Variants in ADCY8 observed in about 807,000 individuals in gnomAD.
The protein encoded by ADCY8 is adenylate cyclase 8.
In ADCY8, 51 loss-of-function variants were observed where a neutral mutation model predicts 119.7. The ratio of observed to expected loss-of-function variants is 0.43; its 90% confidence interval spans 0.34 to 0.54. The LOEUF (loss-of-function observed/expected upper bound fraction) is 0.54, where lower values mean the gene tolerates loss of function less well. ADCY8 is among the 20% of genes least tolerant of loss of function. The pLI, the probability that ADCY8 is intolerant of heterozygous loss-of-function variation, is 0.03. For missense variants in ADCY8, 1,383 were observed against 1,598.8 expected, an observed-to-expected ratio of 0.87 and a Z score of 2.30; for synonymous variants, 665 against 651.0, an observed-to-expected ratio of 1.02 and a Z score of -0.33.
chr8:130,862,109 G>A (rs769627279), intron 9 of ADCY8, among the ~76,000 whole-genome samples: 1 of 152,014 alleles, frequency 6.6e-6, no homozygotes, highest in Non-Finnish European at 1.5e-5. Context: ...TTATGTTTAT[G>A]TTTATGAGAT....
chr8:130,946,347 A>G (rs1056317090), intron 3 of ADCY8, among the ~76,000 whole-genome samples: 1 of 152,154 alleles, frequency 6.6e-6, no homozygotes, highest in East Asian at 1.9e-4. Flanking sequence ...AATATCATCA[A>G]ACTTCTCCAG....
At chr8:130,961,877 A>C (rs926702786) in intron 2 of ADCY8, among the ~76,000 whole-genome samples, 2 of 152,132 alleles carry the variant, frequency 1.3e-5, no homozygotes, top group Admixed American at 6.5e-5. Flanking sequence ...TTGGGCAAAT[A>C]GTTTCTAGGA....
At chr8:130,860,288 T>A (rs764791582) in intron 9 of ADCY8, among the ~76,000 whole-genome samples, 4 of 152,216 alleles carry the variant, frequency 2.6e-5, no homozygotes, top group Non-Finnish European at 4.4e-5. Context: ...GTTCTTTGAA[T>A]ATTTTGGGTG....
At chr8:130,910,994 G>T (rs926435465) in intron 5 of ADCY8, among the ~76,000 whole-genome samples, 5 of 152,150 alleles carry the variant, frequency 3.3e-5, no homozygotes, top group African/African-American at 4.8e-5. Context: ...AGAGTTGTCA[G>T]ACTTAAAAGT....
intron 5 of ADCY8, among the ~76,000 whole-genome samples, chr8:130,917,286 C>A (rs899459024): frequency 5.9e-5 from 9 of 152,138 alleles, no homozygotes; most frequent in Admixed American, 5.9e-4. Flanking sequence ...TAAGCAGTGA[C>A]CCAAACAGAC....
chr8:130,807,980 T>C (rs1816024757), intron 14 of ADCY8, among the ~76,000 whole-genome samples: 1 of 34,994 alleles, frequency 2.9e-5, no homozygotes, highest in Non-Finnish European at 4.8e-5. Flanking sequence ...CGAGACTCCG[T>C]CTCAAAAAAA....
chr8:130,987,193 T>G lies in ADCY8; in HGVS notation c.1110+3200A>C, dbSNP rs1181746087. ...TTTTGCATGTGTTTTTTGCTCTTTA[T>G]GGTGTACCCTTTACTGCTTCTCCAC... is the stretch of plus-strand genomic sequence containing the variant. On this transcript the variant is annotated intron_variant, in intron 2 of 17. Coordinates refer to ENST00000286355, the MANE Select transcript of ADCY8 (RefSeq NM_001115.3). Among the ~76,000 whole-genome samples the G allele has an allele frequency of 2.0e-5, 3 of 152,312 alleles. No individual in the cohort carries two copies. In the East Asian group the frequency reaches 5.8e-4, roughly 29 times the overall value.
rs557008640 is a variant in ADCY8 at position 130,882,406 on chromosome 8, T to C, written c.2109+2158A>G. 7.9e-5 allele frequency among the ~76,000 whole-genome samples: 12 copies of C among 152,272 alleles called. No individual in the cohort carries two copies. In the East Asian group the frequency reaches 2.3e-3, roughly 29 times the overall value. ...TATGGCTCTAGAACCCTTTCCTACTTAGCCTCTCCTGTAAACTCCCTCTCT... is the reference window on the plus strand; with the variant it reads ...TATGGCTCTAGAACCCTTTCCTACTCAGCCTCTCCTGTAAACTCCCTCTCT... On this transcript the variant is annotated intron_variant, in intron 8 of 17. Coordinates refer to ENST00000286355, the MANE Select transcript of ADCY8 (RefSeq NM_001115.3).
At chr8:130,912,866 A>G (rs185719814) in intron 5 of ADCY8, among the ~76,000 whole-genome samples, 1 of 152,312 alleles carries the variant, frequency 6.6e-6, no homozygotes, top group East Asian at 1.9e-4. Context: ...CATTTAAAAA[A>G]AATTGACAAG....
chr8:130,787,474 G>C (rs1046459578), intron 15 of ADCY8, among the ~76,000 whole-genome samples: 1 of 151,930 alleles, frequency 6.6e-6, no homozygotes, highest in Non-Finnish European at 1.5e-5. Flanking sequence ...TTGCGTGTGG[G>C]TGTGGGTGTA....
rs1004898129 is a variant in ADCY8 at position 130,816,626 on chromosome 8, C to T, written c.2755-2399G>A. The stretch of plus-strand genomic sequence containing the variant: ...ATTTTTAGTAGAGACAGGGTTTCAC[C>T]GTGTTAGCCAGGATGGTCTTGATCT... On this transcript the variant is annotated intron_variant, in intron 13 of 17. Transcript: ENST00000286355. 3.9e-5 allele frequency among the ~76,000 whole-genome samples: 6 copies of T among 151,900 alleles called. No homozygotes were observed. In the East Asian group the frequency reaches 5.8e-4, roughly 15 times the overall value.
intron 14 of ADCY8, among the ~76,000 whole-genome samples, chr8:130,802,599 C>G (rs369465012): frequency 6.6e-6 from 1 of 152,204 alleles, no homozygotes. Flanking sequence ...CTCCACCTAT[C>G]TCTTCAGCTT....
intron 9 of ADCY8, among the ~76,000 whole-genome samples, chr8:130,863,869 AATTAAG>A (rs1818027058): frequency 6.6e-6 from 1 of 152,208 alleles, no homozygotes; most frequent in Admixed American, 6.5e-5. Context: ...GTTTTAGATC[AATTAAG>A]ATTAAGATAA....
chr8:130,854,817 C>T (rs1817658496), intron 9 of ADCY8, among the ~76,000 whole-genome samples: 1 of 106,942 alleles, frequency 9.4e-6, no homozygotes, highest in Non-Finnish European at 1.9e-5. Flanking sequence ...CTCCCTCCCT[C>T]CCTCCCTCCC....
At chr8:130,942,601 C>T (rs1207381801) in intron 4 of ADCY8, among the ~76,000 whole-genome samples, 1 of 152,154 alleles carries the variant, frequency 6.6e-6, no homozygotes, top group Admixed American at 6.5e-5. Flanking sequence ...TTTTGATGCT[C>T]TAAAAATGAA....
At chr8:130,932,291 T>A (rs1465433770) in intron 5 of ADCY8, among the ~76,000 whole-genome samples, 1 of 152,168 alleles carries the variant, frequency 6.6e-6, no homozygotes, top group African/African-American at 2.4e-5. Context: ...TAGTGGTGTG[T>A]GCCTGAGATC....
At chr8:130,837,059 T>C (rs1817011053) in intron 11 of ADCY8, among the ~76,000 whole-genome samples, 1 of 152,144 alleles carries the variant, frequency 6.6e-6, no homozygotes, top group Admixed American at 6.5e-5. Context: ...GATCTTCCCT[T>C]CAGCCAGCCT....
At chr8:130,983,527 C>A (rs920277942) in intron 2 of ADCY8, among the ~76,000 whole-genome samples, 1 of 152,084 alleles carries the variant, frequency 6.6e-6, no homozygotes, top group African/African-American at 2.4e-5. Context: ...AAGGCATAGA[C>A]GTGCGGGGCA....
At chr8:131,038,936 G>GA (rs1362702445) in intron 1 of ADCY8, among the ~76,000 whole-genome samples, 2 of 152,142 alleles carry the variant, frequency 1.3e-5, no homozygotes, top group Non-Finnish European at 2.9e-5. Context: ...TAGAGATACG[G>GA]AAAAACCCAA....
Sources: gnomAD v4.1 joint callset for allele counts (sites outside exome capture counted in the v4.1 genomes callset) on GRCh38, gnomAD v4.1.1 for gene constraint, MANE v1.5 for transcripts, NCBI Gene and HGNC (gene_info 2026-07-23, HGNC 2026-07-21) for gene names.